Variants in MLLT3 observed in about 807,000 individuals in gnomAD.
MLLT3 encodes the protein protein AF-9.
A neutral mutation model predicts 53.2 loss-of-function variants in MLLT3; 4 were observed. That is an observed-to-expected ratio of 0.08 (90% CI 0.04 to 0.17). The LOEUF (loss-of-function observed/expected upper bound fraction) is 0.17, where lower values mean the gene tolerates loss of function less well. Among genes scored for constraint, MLLT3 ranks in the 10% least tolerant of loss-of-function variants. The pLI, the probability that MLLT3 is intolerant of heterozygous loss-of-function variation, is 1.00. For missense variants in MLLT3, 569 were observed against 684.0 expected (o/e 0.83, Z 1.87); for synonymous variants, 283 against 230.6 (o/e 1.23, Z -2.06).
intron 2 of MLLT3, among the ~76,000 whole-genome samples, chr9:20,483,173 G>T (rs1824708966): frequency 6.6e-6 from 1 of 152,022 alleles, no homozygotes; most frequent in Non-Finnish European, 1.5e-5. Context: ...TTAACGCAAT[G>T]ATCAGAAATG....
chr9:20,505,479 G>C (rs1240304019), intron 2 of MLLT3, among the ~76,000 whole-genome samples: 1 of 152,128 alleles, frequency 6.6e-6, no homozygotes, highest in African/African-American at 2.4e-5. Flanking sequence ...TCATAAAAAT[G>C]AATAACAGAA....
At chr9:20,578,052 C>A (rs1365468653) in intron 2 of MLLT3, among the ~76,000 whole-genome samples, 1 of 152,172 alleles carries the variant, frequency 6.6e-6, no homozygotes, top group East Asian at 1.9e-4. Flanking sequence ...TACTACTAAA[C>A]AGAAAAGGAT....
At chr9:20,521,077 C>CTT (rs11410290) in intron 2 of MLLT3, among the ~76,000 whole-genome samples, 19 of 148,610 alleles carry the variant, frequency 1.3e-4, no homozygotes, top group South Asian at 2.1e-4. Flanking sequence ...TTTGTTCTTT[C>CTT]TTTTTTTTTT....
chr9:20,587,284 A>G (rs560638318), intron 2 of MLLT3, among the ~76,000 whole-genome samples: 9 of 152,204 alleles, frequency 5.9e-5, no homozygotes, highest in African/African-American at 1.9e-4. Context: ...ATGACATATC[A>G]TATAATCTTT....
At chr9:20,605,775 T>A (rs989863170) in intron 2 of MLLT3, among the ~76,000 whole-genome samples, 2 of 152,094 alleles carry the variant, frequency 1.3e-5, no homozygotes, top group African/African-American at 4.8e-5. Context: ...TATAAATATA[T>A]CAAACATACT....
At chr9:20,551,382 T>G (rs527493715) in intron 2 of MLLT3, among the ~76,000 whole-genome samples, 3 of 152,336 alleles carry the variant, frequency 2.0e-5, no homozygotes, top group Non-Finnish European at 4.4e-5. Context: ...CCATCCTCTT[T>G]CTCACAAAAG....
intron 2 of MLLT3, among the ~76,000 whole-genome samples, chr9:20,546,327 C>T (rs543222617): frequency 1.3e-5 from 2 of 152,140 alleles, no homozygotes; most frequent in Non-Finnish European, 2.9e-5. Flanking sequence ...TGGCTTGAGG[C>T]CCAGAGTTTG....
rs1317348786 is a variant in MLLT3, at chr9:20,353,608, G to GA, written c.1504-13dup. ...TCATCTAGGTATGCCTGAAAGAGAA[G>GA]AATGTCCCCGAAAAGGACAAGCACT... On this transcript the variant is annotated splice_polypyrimidine_tract_variant and intron_variant, in intron 9 of 10. Transcript: ENST00000380338. The GA allele has an allele frequency of 6.2e-7, 1 of 1,610,466 alleles. No homozygotes were observed. Among genetic ancestry groups the GA allele is most frequent in the African/African-American group, 1.3e-5 (1 of 74,826 alleles).
chr9:20,442,271 C>G (rs538958518), intron 4 of MLLT3, among the ~76,000 whole-genome samples: 9 of 152,218 alleles, frequency 5.9e-5, no homozygotes, highest in Admixed American at 3.3e-4. Flanking sequence ...TTGGTGCAGG[C>G]ATAGAGTAGT....
chr9:20,588,163 G>T (rs1040254529), intron 2 of MLLT3, among the ~76,000 whole-genome samples: 1 of 151,940 alleles, frequency 6.6e-6, no homozygotes, highest in Admixed American at 6.6e-5. Context: ...GATATGCGGC[G>T]TTATTTCTGA....
intron 2 of MLLT3, among the ~76,000 whole-genome samples, chr9:20,557,020 G>T (rs922346481): frequency 2.3e-4 from 35 of 152,128 alleles, no homozygotes; most frequent in African/African-American, 6.0e-4. Flanking sequence ...CGATTCAGAA[G>T]AAGAACGCAA....
intron 2 of MLLT3, among the ~76,000 whole-genome samples, chr9:20,613,283 G>C (rs1245182617): frequency 6.6e-6 from 1 of 152,100 alleles, no homozygotes; most frequent in Non-Finnish European, 1.5e-5. Flanking sequence ...GGTAAATTTT[G>C]CATGTGAATT....
chr9:20,584,236 C>A (rs1480909692), intron 2 of MLLT3, among the ~76,000 whole-genome samples: 2 of 151,182 alleles, frequency 1.3e-5, no homozygotes, highest in Non-Finnish European at 2.9e-5. Flanking sequence ...CATCTGAGAC[C>A]ACCTCAGCCT....
At chr9:20,617,490 G>T (rs548751347) in intron 2 of MLLT3, among the ~76,000 whole-genome samples, 1 of 152,230 alleles carries the variant, frequency 6.6e-6, no homozygotes, top group African/African-American at 2.4e-5. Flanking sequence ...GAAACAAATT[G>T]CAATAGTAAG....
At chr9:20,594,002 G>A (rs541879148) in intron 2 of MLLT3, among the ~76,000 whole-genome samples, 1 of 149,534 alleles carries the variant, frequency 6.7e-6, no homozygotes, top group Non-Finnish European at 1.5e-5. Context: ...GTGCAGTGGT[G>A]TGATCTCGGC....
At chr9:20,576,162 C>T (rs958434643) in intron 2 of MLLT3, among the ~76,000 whole-genome samples, 1 of 152,186 alleles carries the variant, frequency 6.6e-6, no homozygotes. Flanking sequence ...CCAAACTATT[C>T]TTCTGCAGTT....
intron 2 of MLLT3, among the ~76,000 whole-genome samples, chr9:20,464,932 ATCT>A (rs1479004830): frequency 6.6e-6 from 1 of 152,140 alleles, no homozygotes; most frequent in African/African-American, 2.4e-5. Flanking sequence ...CGTTTCTCAT[ATCT>A]TAAATTCTCC....
At chr9:20,536,811 A>T (rs1818499540) in intron 2 of MLLT3, among the ~76,000 whole-genome samples, 2 of 151,930 alleles carry the variant, frequency 1.3e-5, no homozygotes, top group African/African-American at 4.8e-5. Flanking sequence ...TCTCCACTCC[A>T]GTATGGGACG....
rs542890153 is a variant in MLLT3 at position 20,353,411 on chromosome 9, C to T, written c.1575+114G>A. On this transcript the variant is annotated intron_variant, in intron 10 of 10. Transcript: ENST00000380338. ...CCCAAATACATCTACAGGTGGCATT[C>T]GCCAGGTTCTGATAGCGTGGGGCTG... The T allele has an allele frequency of 5.6e-5, 48 of 851,690 alleles. No individual in the cohort carries two copies. The African/African-American group carries it at 6.0e-4, about 11-fold the overall frequency. 52.8% of individuals were successfully genotyped at this position (851,690 alleles called of 1,614,324 possible).
Sources: gnomAD v4.1 joint callset for allele counts (sites outside exome capture counted in the v4.1 genomes callset) on GRCh38, gnomAD v4.1.1 for gene constraint, MANE v1.5 for transcripts, NCBI Gene and HGNC (gene_info 2026-07-23, HGNC 2026-07-21) for gene names.